ACAT1: variants seen among roughly 807,000 people sequenced by gnomAD.
ACAT1 encodes acetyl-CoA acetyltransferase 1.
In ACAT1, 28 loss-of-function variants were observed where a neutral mutation model predicts 47.3. The ratio of observed to expected loss-of-function variants is 0.59; its 90% confidence interval spans 0.44 to 0.81. ACAT1 has a LOEUF of 0.81. Among genes scored for constraint, ACAT1 ranks in the 30% least tolerant of loss-of-function variants. The probability of loss-of-function intolerance (pLI) is 0.00; values close to 1 mark genes in which losing one functional copy is unlikely to be tolerated. For synonymous variants in ACAT1, 181 were observed against 173.6 expected, an observed-to-expected ratio of 1.04 and a Z score of -0.34; for missense variants, 469 against 524.3, an observed-to-expected ratio of 0.89 and a Z score of 1.03.
chr11:108,125,792 G>A (rs1196278750), intron 1 of ACAT1, among the ~76,000 whole-genome samples: 2 of 151,952 alleles, frequency 1.3e-5, no homozygotes, highest in East Asian at 2.0e-4. Flanking sequence ...CAGGCGTGGT[G>A]GCGGGCGCTT....
rs113348145 is a variant in ACAT1, at chr11:108,121,592, C to G, written c.-15C>G. 5,885 of 1,550,244 alleles carry G rather than the reference C, an allele frequency of 3.8e-3. 197 individuals carry two copies. The African/African-American group carries it at 0.069, about 18-fold the overall frequency. On this transcript the variant is annotated 5_prime_UTR_variant, in exon 1 of 12. Coordinates refer to ENST00000265838, the MANE Select transcript of ACAT1 (RefSeq NM_000019.4). ...AGTCTACGCCTGTGGAGCCGATACTCAGCCCTCTGCGACCATGGCTGTGCT... is the reference window on the plus strand; with the variant it reads ...AGTCTACGCCTGTGGAGCCGATACTGAGCCCTCTGCGACCATGGCTGTGCT...
upstream of ACAT1, among the ~76,000 whole-genome samples, chr11:108,120,812 A>G (rs1276152305): frequency 1.3e-5 from 2 of 152,070 alleles, no homozygotes; most frequent in African/African-American, 4.8e-5. Context: ...TAATCCCAGC[A>G]CTTTGAGAGG....
intron 1 of ACAT1, among the ~76,000 whole-genome samples, chr11:108,126,481 C>T (rs75424466): frequency 0.016 from 2,496 of 152,248 alleles, 35 homozygotes; most frequent in South Asian, 0.04. Flanking sequence ...GTATATAATT[C>T]CAAGAGCAAT....
chr11:108,119,641 TTCTC>T (rs35756586), upstream of ACAT1, among the ~76,000 whole-genome samples: 104 of 148,822 alleles, frequency 7.0e-4, no homozygotes, highest in Non-Finnish European at 1.1e-3. Context: ...AAATATCTGT[TTCTC>T]TCTCTCTCTC....
chr11:108,123,656 TAC>T (rs1227903790), intron 1 of ACAT1, among the ~76,000 whole-genome samples: 1 of 152,196 alleles, frequency 6.6e-6, no homozygotes, highest in African/African-American at 2.4e-5. Context: ...AGCTGAAAAA[TAC>T]AGTGATTTCC....
rs774717533 is a variant in ACAT1, at chr11:108,134,269, A to T, written c.287A>T (p.Gln96Leu). Residue 96 changes from glutamine (Q) to leucine (L), a missense_variant, in exon 4 of 12, where the codon CAA becomes CTA. Gln to Leu is a moderately radical substitution (Grantham distance 113, BLOSUM62 -2). Coordinates refer to ENST00000265838, the MANE Select transcript of ACAT1 (RefSeq NM_000019.4). ...VKEAYMGNVL[Q>L]GGEGQAPTRQ... ...GAAGCATACATGGGTAATGTTCTAC[A>T]AGGAGGTGAAGGACAAGCTCCTACA... The T allele has an allele frequency of 6.2e-7, 1 of 1,613,790 alleles. No individual in the cohort carries two copies. Among genetic ancestry groups the T allele is most frequent in the Admixed American group, 1.7e-5 (1 of 59,992 alleles).
intron 11 of ACAT1, 61 bp from the exon 12 acceptor site, chr11:108,147,207 AAC>A (rs2077734153): frequency 6.3e-7 from 1 of 1,587,916 alleles, no homozygotes; most frequent in Non-Finnish European, 8.6e-7. Flanking sequence ...TTGGAATAGA[AAC>A]ATTTTGGTTA....
At position 108,121,698 on chromosome 11, in the gene ACAT1, A is replaced by G. The variant is rs1354467441; in HGVS notation, c.72+20A>G. The stretch of plus-strand genomic sequence containing the variant: ...GTGCAGGTGAGCGGGGTTCGTCCCC[A>G]CAGCACTCAGACCCGGGATGCGAGG... On this transcript the variant is annotated intron_variant, in intron 1 of 11. Transcript: ENST00000265838. 2.6e-6 allele frequency: 4 copies of G among 1,546,952 alleles called. No individual in the cohort carries two copies. Among genetic ancestry groups the G allele is most frequent in the Admixed American group, 2.0e-5 (1 of 50,960 alleles).
chr11:108,129,612 C>A (rs2077319066), intron 1 of ACAT1, among the ~76,000 whole-genome samples: 1 of 152,132 alleles, frequency 6.6e-6, no homozygotes, highest in Non-Finnish European at 1.5e-5. Context: ...CATTATCCGC[C>A]CGCCTCAGCC....
intron 1 of ACAT1, among the ~76,000 whole-genome samples, chr11:108,126,966 A>T (rs552274741): frequency 1.7e-4 from 26 of 150,258 alleles, no homozygotes; most frequent in Admixed American, 1.7e-3. Context: ...TTATTTTTTT[A>T]TTTTATTTTA....
intron 6 of ACAT1, among the ~76,000 whole-genome samples, chr11:108,139,454 G>C (rs555283616): frequency 3.3e-5 from 5 of 151,758 alleles, no homozygotes; most frequent in African/African-American, 7.3e-5. Flanking sequence ...TTAGCCAGGC[G>C]TGGTGGTGGT....
chr11:108,134,495 TAGCC>T (rs1474404539), intron 4 of ACAT1, 179 bp downstream of exon 4: 2 of 456,092 alleles, frequency 4.4e-6, no homozygotes, highest in Non-Finnish European at 8.2e-6. Context: ...ATACAAAAAT[TAGCC>T]AGGTGTGGTG....
chr11:108,125,821 A>G (rs998596271), intron 1 of ACAT1, among the ~76,000 whole-genome samples: 19 of 151,480 alleles, frequency 1.3e-4, no homozygotes, highest in South Asian at 2.1e-4. Context: ...AGCTACCTGG[A>G]AGGCTGAGGC....
At position 108,131,916 on chromosome 11, in the gene ACAT1, T is replaced by C. The variant is rs775374421; in HGVS notation, c.82T>C (p.Tyr28His). 7.0e-7 allele frequency: 1 copy of C among 1,423,954 alleles called. No homozygotes were observed. Among genetic ancestry groups the C allele is most frequent in the South Asian group, 1.3e-5 (1 of 78,718 alleles). 88.2% of individuals were successfully genotyped at this position (1,423,954 alleles called of 1,614,324 possible). A position where few individuals can be genotyped will look rare whatever the true frequency, so the allele number is the denominator to read the frequency against. Residue 28 changes from tyrosine to histidine, a missense_variant, in exon 2 of 12, where the codon TAT becomes CAT. By Grantham distance (83) the Tyr-to-His change is moderately conservative. Transcript: ENST00000265838. ...LLRRLVQEIR[Y>H]VERSYVSKPT... ...AATATTTATATTACAGGAAATAAGA[T>C]ATGTGGAACGGAGTTATGTATCAAA...
intron 5 of ACAT1, chr11:108,136,064 C>G: frequency 1.5e-6 from 1 of 679,102 alleles, no homozygotes; most frequent in South Asian, 1.6e-5. Flanking sequence ...CTTGTCTTTA[C>G]TTGAGATCAA....
chr11:108,133,637 A>C (rs909457111), intron 2 of ACAT1, among the ~76,000 whole-genome samples, 183 bp from the exon 3 acceptor site: 5 of 152,230 alleles, frequency 3.3e-5, no homozygotes, highest in Admixed American at 6.5e-5. Context: ...GTTGGTTTCT[A>C]TAAGGTCTTA....
Position 108,147,394 on chromosome 11 carries a change from A to AC in ACAT1, c.*6dup, listed in dbSNP as rs111390656. The AC allele has an allele frequency of 3.8e-3, 6,205 of 1,613,348 alleles. 113 individuals carry two copies. In the African/African-American group the frequency reaches 0.047, roughly 12 times the overall value. On this transcript the variant is annotated 3_prime_UTR_variant, in exon 12 of 12. Coordinates refer to ENST00000265838, the MANE Select transcript of ACAT1 (RefSeq NM_000019.4). ...CATGCTAATTCAGAAGCTGTAGACA[A>AC]CCTCTGCTATTTAAGGAGACAACCC...
intron 10 of ACAT1, among the ~76,000 whole-genome samples, chr11:108,144,690 C>T (rs965497454): frequency 2.0e-5 from 1 of 51,202 alleles, no homozygotes; most frequent in Non-Finnish European, 3.6e-5. Context: ...TCCCCACTGC[C>T]CCCAACCCCC....
intron 7 of ACAT1, among the ~76,000 whole-genome samples, chr11:108,140,438 A>G (rs1309930381): frequency 6.6e-6 from 1 of 152,226 alleles, no homozygotes; most frequent in Non-Finnish European, 1.5e-5. Flanking sequence ...TGAGAAATTT[A>G]TTAGAACTTT....
Sources: allele counts gnomAD v4.1 joint callset (sites outside exome capture counted in the v4.1 genomes callset), GRCh38; gene constraint gnomAD v4.1.1; transcripts MANE v1.5; gene names NCBI Gene and HGNC (gene_info 2026-07-23, HGNC 2026-07-21).